The following SLC25A12 variants were observed in gnomAD, a reference collection of about 807,000 sequenced individuals.
The protein encoded by SLC25A12 is electrogenic aspartate/glutamate antiporter SLC25A12, mitochondrial.
A neutral mutation model predicts 83.3 loss-of-function variants in SLC25A12; 32 were observed. The ratio of observed to expected loss-of-function variants is 0.38; its 90% CI spans 0.29 to 0.52. The LOEUF (loss-of-function observed/expected upper bound fraction) is 0.52, where lower values mean the gene tolerates loss of function less well. Ranked by LOEUF, SLC25A12 falls within the 20% of genes least tolerant of loss-of-function variation. The pLI, the probability that SLC25A12 is intolerant of heterozygous loss-of-function variation, is 0.84. For missense variants in SLC25A12, 611 were observed against 835.6 expected (o/e 0.73, Z 3.31); for synonymous variants, 267 against 291.1 (o/e 0.92, Z 0.84).
At chr2:171,893,150 G>C in intron 2 of SLC25A12, 55 bp downstream of exon 2, 1 of 1,385,222 alleles carries the variant, frequency 7.2e-7, no homozygotes, top group Non-Finnish European at 1.0e-6. Flanking sequence ...TAGGACTAAG[G>C]ACATGTACGT....
At chr2:171,893,363 A>G in intron 1 of SLC25A12, 105 bp from the exon 2 acceptor site, 1 of 1,002,022 alleles carries the variant, frequency 1.0e-6, no homozygotes, top group East Asian at 2.4e-5. Flanking sequence ...CCTATCTTTT[A>G]TCATTTAGTT....
intron 15 of SLC25A12, 177 bp from the exon 16 acceptor site, chr2:171,788,124 G>C (rs1029840746): frequency 1.5e-5 from 9 of 608,610 alleles, no homozygotes; most frequent in Non-Finnish European, 2.6e-5. Context: ...CTGTTGCAGT[G>C]TGATCAGGGG....
intron 10 of SLC25A12, among the ~76,000 whole-genome samples, chr2:171,814,554 C>T (rs1014187318): frequency 1.3e-5 from 2 of 151,504 alleles, no homozygotes; most frequent in African/African-American, 4.9e-5. Context: ...TAGGTAAACA[C>T]GTGTCACGGG....
intron 2 of SLC25A12, among the ~76,000 whole-genome samples, chr2:171,891,222 C>A (rs541560222): frequency 1.3e-5 from 2 of 152,030 alleles, no homozygotes; most frequent in Non-Finnish European, 2.9e-5. Context: ...TTGCTTGAAC[C>A]CCGGAGGCAG....
intron 11 of SLC25A12, among the ~76,000 whole-genome samples, chr2:171,812,517 A>T (rs573256256): frequency 9.2e-5 from 14 of 152,342 alleles, no homozygotes; most frequent in African/African-American, 3.4e-4. Context: ...CAAAGAGATT[A>T]AAAAATTAAT....
rs751335257 is a variant in SLC25A12, at chr2:171,836,945, TAC to T, written c.612+174_612+175del. On this transcript the variant is annotated intron_variant, in intron 6 of 17. Transcript: ENST00000422440. ...ACACACACACATACATACATTCACG[TAC>T]ACACACACACATGCACACACACACA... is the stretch of plus-strand genomic sequence containing the variant. 2.7e-3 allele frequency among the ~76,000 whole-genome samples: 394 copies of T among 146,584 alleles called. 2 individuals carry two copies. Among genetic ancestry groups the T allele is most frequent in the African/African-American group, 8.7e-3 (354 of 40,562 alleles).
chr2:171,785,312 C>A lies in SLC25A12; in HGVS notation c.1999G>T (p.Val667Leu). The change falls in exon 18 of 18, where the codon GTG becomes TTG. Residue 667 changes from valine to leucine, a missense_variant. Physicochemically the swap from Val to Leu is conservative, Grantham distance 32. Transcript: ENST00000422440. ...LPKFKSPSVA[V>L]VQPKAAVAAT... ...GCCACTGCTGCCTTTGGCTGAACCA[C>A]AGCAACACTAGGAGACTTAAATTTC... 1 of 1,614,198 alleles carries A rather than the reference C, an allele frequency of 6.2e-7. No homozygotes were observed. Among genetic ancestry groups the A allele is most frequent in the African/African-American group, 1.3e-5 (1 of 75,052 alleles).
At chr2:171,873,731 A>G (rs1409668029) in intron 2 of SLC25A12, among the ~76,000 whole-genome samples, 1 of 151,972 alleles carries the variant, frequency 6.6e-6, no homozygotes, top group East Asian at 1.9e-4. Flanking sequence ...CAAGTAAATT[A>G]TATATATAAT....
At position 171,823,824 on chromosome 2, in the gene SLC25A12, G is replaced by A. The variant is rs146582955; in HGVS notation, c.930+2974C>T. ...AAACAAATTAGCTGAGCATGGTGGT[G>A]TATGCCTACAGTCCCAGCTATTCAG... is the stretch of plus-strand genomic sequence containing the variant. On this transcript the variant is annotated intron_variant, in intron 9 of 17. Coordinates refer to ENST00000422440, the MANE Select transcript of SLC25A12 (RefSeq NM_003705.5). Among the ~76,000 whole-genome samples, 28 of 152,166 alleles carry A rather than the reference G, an allele frequency of 1.8e-4. No homozygotes were observed. The East Asian group carries it at 5.4e-3, about 29-fold the overall frequency.
intron 4 of SLC25A12, among the ~76,000 whole-genome samples, chr2:171,847,644 G>C (rs1684828071): frequency 6.6e-6 from 1 of 152,128 alleles, no homozygotes; most frequent in Admixed American, 6.6e-5. Context: ...GGAAGAAAGG[G>C]AAATGACAGT....
chr2:171,849,990 G>C (rs1176965645), intron 4 of SLC25A12, among the ~76,000 whole-genome samples: 1 of 151,892 alleles, frequency 6.6e-6, no homozygotes, highest in Non-Finnish European at 1.5e-5. Context: ...TTTTAGTAAA[G>C]ACAGGGTTTC....
At chr2:171,789,752 G>A (rs141950329) in intron 15 of SLC25A12, among the ~76,000 whole-genome samples, 128 of 152,294 alleles carry the variant, frequency 8.4e-4, no homozygotes, top group Middle Eastern at 3.4e-3. Context: ...AAATTGGCCA[G>A]GCATGGTGGT....
Position 171,787,796 on chromosome 2 carries a change from C to G in SLC25A12, c.1737G>C (p.Gly579=). ...REEGPSAFWK[G]TAARVFRSSP... is the part of the protein sequence containing the mutation. ...GCTCCAGCCCCTGCCTACCTGCAGT[C>G]CCTTTCCAAAATGCTGAGGGCCCTT... The change falls in exon 16 of 18, where the codon GGG becomes GGC. Residue 579 remains glycine (G), a synonymous_variant. Transcript: ENST00000422440. 6.2e-7 allele frequency: 1 copy of G among 1,614,202 alleles called. No individual in the cohort carries two copies. The highest frequency in any genetic ancestry group is 8.5e-7 in the Non-Finnish European group (1 of 1,180,036).
intron 5 of SLC25A12, among the ~76,000 whole-genome samples, chr2:171,840,243 G>A (rs1053202370): frequency 6.6e-6 from 1 of 152,078 alleles, no homozygotes; most frequent in Non-Finnish European, 1.5e-5. Context: ...AAATTAGGCA[G>A]GCATGGTGGC....
intron 8 of SLC25A12, among the ~76,000 whole-genome samples, chr2:171,832,014 C>A (rs754040421): frequency 3.0e-4 from 45 of 152,144 alleles, no homozygotes; most frequent in Non-Finnish European, 6.2e-4. Flanking sequence ...GGCTTAAGAG[C>A]TACACCCTAG....
At chr2:171,844,538 T>A (rs752891495) in intron 4 of SLC25A12, 30 bp from the exon 5 acceptor site, 93 of 1,450,460 alleles carry the variant, frequency 6.4e-5, no homozygotes, top group Non-Finnish European at 8.6e-5. Flanking sequence ...ATAAATCAAT[T>A]ATATCTGGAA....
intron 13 of SLC25A12, among the ~76,000 whole-genome samples, chr2:171,804,104 T>A (rs185313902): frequency 6.6e-6 from 1 of 152,284 alleles, no homozygotes; most frequent in East Asian, 1.9e-4. Context: ...AACTAATGAA[T>A]GAACAAACTG....
rs1686007643 is a variant in SLC25A12, at chr2:171,894,244, T to C, written c.-30A>G. 3.1e-6 allele frequency: 5 copies of C among 1,605,936 alleles called. No individual in the cohort carries two copies. Among genetic ancestry groups the C allele is most frequent in the East Asian group, 2.3e-5 (1 of 44,410 alleles). On this transcript the variant is annotated 5_prime_UTR_variant, in exon 1 of 18. Transcript: ENST00000422440. ...TGCTCGGAAGCCGGGGACGAGCGAG[T>C]GAGCGAGCAGGGCCGAGCTGTCAGG...
At chr2:171,890,352 G>A (rs192870446) in intron 2 of SLC25A12, among the ~76,000 whole-genome samples, 7 of 152,228 alleles carry the variant, frequency 4.6e-5, no homozygotes, top group Non-Finnish European at 1.0e-4. Context: ...TCATAAAACT[G>A]TTTCTAAACA....
Sources: gnomAD v4.1 joint callset for allele counts (sites outside exome capture counted in the v4.1 genomes callset) on GRCh38, gnomAD v4.1.1 for gene constraint, MANE v1.5 for transcripts, NCBI Gene and HGNC (gene_info 2026-07-23, HGNC 2026-07-21) for gene names.